Variants in RPAP3 observed in about 807,000 individuals in gnomAD.
RPAP3 encodes the protein RNA polymerase II-associated protein 3.
A neutral mutation model predicts 88.8 loss-of-function variants in RPAP3; 58 were observed. The ratio of observed to expected loss-of-function variants is 0.65; its 90% CI spans 0.53 to 0.81. RPAP3 has a LOEUF of 0.81. Among genes scored for constraint, RPAP3 ranks in the 40% least tolerant of loss-of-function variants. The pLI, the probability that RPAP3 is intolerant of heterozygous loss-of-function variation, is 0.00. For missense variants in RPAP3, 751 were observed against 764.3 expected, an observed-to-expected ratio of 0.98 and a Z score of 0.20; for synonymous variants, 255 against 259.9, an observed-to-expected ratio of 0.98 and a Z score of 0.18.
intron 9 of RPAP3, among the ~76,000 whole-genome samples, chr12:47,686,165 T>C (rs1180118652): frequency 1.3e-5 from 2 of 152,202 alleles, no homozygotes; most frequent in Non-Finnish European, 2.9e-5. Flanking sequence ...AGAAACAAAG[T>C]CTAAGTCTAA....
intron 13 of RPAP3, 128 bp from the exon 14 acceptor site, chr12:47,669,230 C>G: frequency 1.8e-6 from 1 of 568,844 alleles, no homozygotes; most frequent in Admixed American, 3.3e-5. Flanking sequence ...ATTATACAAG[C>G]ATTCAATTAT....
In RPAP3 at chr12:47,686,916, T is replaced by C; in HGVS notation, c.865-9A>G. On this transcript the variant is annotated splice_polypyrimidine_tract_variant and intron_variant, in intron 8 of 16. Transcript: ENST00000005386. Reference sequence around the variant, plus strand: ...TTGAAAAATCCATTCCCCTGTTATTTTGTAGAGAGATATGGAGAATAAAAA... The same window carrying C: ...TTGAAAAATCCATTCCCCTGTTATTCTGTAGAGAGATATGGAGAATAAAAA... 1 of 1,565,808 alleles carries C rather than the reference T, an allele frequency of 6.4e-7. No homozygotes were observed. The highest frequency in any genetic ancestry group is 8.7e-7 in the Non-Finnish European group (1 of 1,151,370).
rs781449266 is a variant in RPAP3 at position 47,702,795 on chromosome 12, G to A, written c.46C>T (p.Gln16Ter). 6.8e-6 allele frequency: 11 copies of A among 1,612,882 alleles called. No individual in the cohort carries two copies. The highest frequency in any genetic ancestry group is 9.3e-6 in the Non-Finnish European group (11 of 1,179,488). Residue 16 changes from glutamine to a stop codon, truncating the protein, a stop_gained, in exon 2 of 17, where the codon CAA becomes TAA. Transcript: ENST00000005386. LOFTEE classifies it high-confidence loss of function. ...AAGTCTTGTAATTCTTCTGCATTTT[G>A]TTTCACTTGTAGTTGTAATTCGATT... is the stretch of plus-strand genomic sequence containing the variant. ...KAIELQLQVKQNAEELQDFMR... is the reference protein window; with the variant it reads ...KAIELQLQVK
In RPAP3 at chr12:47,669,086, T is replaced by A; in HGVS notation, c.1543A>T (p.Lys515Ter). Residue 515 changes from lysine (K) to a stop codon, truncating the protein, a stop_gained, in exon 14 of 17, where the codon AAG becomes TAG. Transcript: ENST00000005386. LOFTEE classifies it high-confidence loss of function. ...CTGTAAGACTGACATACATCCTGCT[T>A]CAAACTGGCTTGAGGTCTGAAATAT... ...TSSLQPQASL[K>*]QDVCQSYSEK... 6.2e-7 allele frequency: 1 copy of A among 1,613,410 alleles called. No homozygotes were observed. The highest frequency in any genetic ancestry group is 8.5e-7 in the Non-Finnish European group (1 of 1,179,436).
chr12:47,687,411 ATCAG>A (rs1401205418), intron 8 of RPAP3, among the ~76,000 whole-genome samples: 1 of 152,148 alleles, frequency 6.6e-6, no homozygotes, highest in African/African-American at 2.4e-5. Context: ...TTTACTTATA[ATCAG>A]TCAAATATCA....
At chr12:47,690,473 A>C in intron 6 of RPAP3, 45 bp downstream of exon 6, 1 of 1,508,280 alleles carries the variant, frequency 6.6e-7, no homozygotes, top group South Asian at 1.3e-5. Flanking sequence ...AGCATCTGTG[A>C]GATAACACTG....
intron 12 of RPAP3, among the ~76,000 whole-genome samples, chr12:47,672,903 A>G (rs993133923): frequency 7.2e-5 from 11 of 152,242 alleles, no homozygotes; most frequent in African/African-American, 2.7e-4. Flanking sequence ...GGGATATTAC[A>G]CATATCACGT....
intron 9 of RPAP3, 82 bp downstream of exon 9, chr12:47,686,698 T>C: frequency 9.1e-7 from 1 of 1,102,506 alleles, no homozygotes; most frequent in Non-Finnish European, 1.2e-6. Flanking sequence ...ATAATTGGCA[T>C]GTTAGGTAAC....
rs1174860689 is a variant in RPAP3 at position 47,662,306 on chromosome 12, A to G, written c.*1199T>C. 1 of 152,260 alleles carries G rather than the reference A, an allele frequency of 6.6e-6. No homozygotes were observed. Among genetic ancestry groups the G allele is most frequent in the Admixed American group, 6.5e-5 (1 of 15,282 alleles). The allele number at this position is 152,260 out of a possible 1,614,324, so 9.4% of individuals were successfully genotyped here. A position where few individuals can be genotyped will look rare whatever the true frequency, so the allele number is the denominator to read the frequency against. On this transcript the variant is annotated 3_prime_UTR_variant, in exon 17 of 17. Coordinates refer to ENST00000005386, the MANE Select transcript of RPAP3 (RefSeq NM_024604.3). ...ATACATTTAGCAATAAACAAAGTTA[A>G]TAAACTCTATCAAGTGTATTTTAAA...
chr12:47,694,492 T>C (rs1270825932), intron 5 of RPAP3, among the ~76,000 whole-genome samples: 1 of 152,170 alleles, frequency 6.6e-6, no homozygotes, highest in South Asian at 2.1e-4. Context: ...CTAATCTTTT[T>C]AAAAAATCAA....
chr12:47,688,067 A>T, intron 7 of RPAP3, 66 bp from the exon 8 acceptor site: 2 of 1,352,938 alleles, frequency 1.5e-6, no homozygotes, highest in Non-Finnish European at 2.0e-6. Context: ...ATTTGACCTT[A>T]AAACATAAAT....
At chr12:47,686,545 T>TACACACACACACACACAC (rs59485150) in intron 9 of RPAP3, among the ~76,000 whole-genome samples, 43 of 145,458 alleles carry the variant, frequency 3.0e-4, no homozygotes, top group Middle Eastern at 3.6e-3. Context: ...CACATACACA[T>TACACACACACACACACAC]ACACACACAC....
At chr12:47,698,158 A>G (rs967705038) in intron 3 of RPAP3, among the ~76,000 whole-genome samples, 2 of 152,246 alleles carry the variant, frequency 1.3e-5, no homozygotes, top group Non-Finnish European at 2.9e-5. Flanking sequence ...AACAAAAAAA[A>G]GAGCACATTA....
chr12:47,672,765 T>C (rs1939025225), intron 12 of RPAP3, among the ~76,000 whole-genome samples: 1 of 152,240 alleles, frequency 6.6e-6, no homozygotes, highest in Non-Finnish European at 1.5e-5. Flanking sequence ...TAGAGGTGTT[T>C]TGTTTTGTCA....
In RPAP3 at chr12:47,670,262, A is replaced by G. The variant is rs1418504504; in HGVS notation, c.1371T>C (p.Ala457=). The change falls in exon 13 of 17, where the codon GCT becomes GCC. Residue 457 remains alanine, a synonymous_variant. Transcript: ENST00000005386. ...IDVPDSTTAA[A]PENNPINLAN... ...CTAGATTAATAGGATTATTCTCTGG[A>G]GCAGCAGCAGTAGTGCTATCTGGCA... The G allele has an allele frequency of 6.2e-7, 1 of 1,613,370 alleles. No individual in the cohort carries two copies. Among genetic ancestry groups the G allele is most frequent in the South Asian group, 1.1e-5 (1 of 91,066 alleles).
chr12:47,677,183 A>T (rs1939133495), intron 12 of RPAP3, among the ~76,000 whole-genome samples: 1 of 152,194 alleles, frequency 6.6e-6, no homozygotes, highest in East Asian at 1.9e-4. Context: ...CCTTTGACAA[A>T]ATTCAACAGT....
At chr12:47,682,487 T>C (rs1250691879) in intron 9 of RPAP3, among the ~76,000 whole-genome samples, 1 of 152,190 alleles carries the variant, frequency 6.6e-6, no homozygotes, top group East Asian at 1.9e-4. Context: ...TGCTAATGGT[T>C]GTGGTTATGT....
At chr12:47,666,779 G>A (rs1023000358) in intron 16 of RPAP3, among the ~76,000 whole-genome samples, 1 of 151,910 alleles carries the variant, frequency 6.6e-6, no homozygotes, top group Non-Finnish European at 1.5e-5. Flanking sequence ...ATATTGTCAG[G>A]ACTAACAAAA....
rs759366138 is a variant in RPAP3 at position 47,670,379 on chromosome 12, A to T, written c.1288-34T>A. On this transcript the variant is annotated intron_variant, in intron 12 of 16. Transcript: ENST00000005386. ...ATTAAAATCAATTCCTTAAATCAAA[A>T]TATTAAAGGTTTCCTATTTTAGGGT... 1.4e-5 allele frequency: 18 copies of T among 1,255,494 alleles called. No individual in the cohort carries two copies. The South Asian group carries it at 2.1e-4, about 14-fold the overall frequency. The allele number at this position is 1,255,494 out of a possible 1,614,324, so 77.8% of individuals were successfully genotyped here. A position where few individuals can be genotyped will look rare whatever the true frequency, so the allele number is the denominator to read the frequency against.
Sources: allele counts gnomAD v4.1 joint callset (sites outside exome capture counted in the v4.1 genomes callset), GRCh38; gene constraint gnomAD v4.1.1; transcripts MANE v1.5; gene names NCBI Gene and HGNC (gene_info 2026-07-23, HGNC 2026-07-21).